Variants in PALM2AKAP2 observed in about 807,000 individuals in gnomAD.
PALM2AKAP2 encodes the protein PALM2-AKAP2 fusion protein.
A neutral mutation model predicts 71.5 loss-of-function variants in PALM2AKAP2; 37 were observed. That is an observed-to-expected ratio of 0.52 (90% CI 0.40 to 0.68). PALM2AKAP2 has a LOEUF of 0.68. Ranked by LOEUF, PALM2AKAP2 falls within the 30% of genes least tolerant of loss-of-function variation. The probability of loss-of-function intolerance (pLI) is 0.00; values close to 1 mark genes in which losing one functional copy is unlikely to be tolerated. For synonymous variants in PALM2AKAP2, 468 were observed against 478.8 expected (o/e 0.98, Z 0.29); for missense variants, 1,224 against 1,191.8 (o/e 1.03, Z -0.40).
At chr9:109,779,911 C>A (rs1016542608), upstream of PALM2AKAP2, among the ~76,000 whole-genome samples, 1 of 152,140 alleles carries the variant, frequency 6.6e-6, no homozygotes, top group South Asian at 2.1e-4. Context: ...CTGGCATCTG[C>A]CCGGTGGAGG....
chr9:110,075,299 A>G (rs1278031509), intron 1 of PALM2AKAP2, among the ~76,000 whole-genome samples: 2 of 152,240 alleles, frequency 1.3e-5, no homozygotes, highest in East Asian at 3.8e-4. Flanking sequence ...TCTAGGGTTT[A>G]GATGCCTTAT....
At chr9:110,075,770 T>C (rs1834307430) in intron 1 of PALM2AKAP2, among the ~76,000 whole-genome samples, 1 of 152,090 alleles carries the variant, frequency 6.6e-6, no homozygotes. Context: ...ATTTTAAACT[T>C]AGAAAAGAGT....
chr9:109,841,963 G>A (rs995751321), intron 1 of PALM2AKAP2, among the ~76,000 whole-genome samples: 2 of 144,620 alleles, frequency 1.4e-5, no homozygotes, highest in Non-Finnish European at 3.0e-5. Context: ...GGAGGGTGAG[G>A]GGGATGGAGG....
At chr9:110,096,271 T>C (rs1834832715) in intron 1 of PALM2AKAP2, among the ~76,000 whole-genome samples, 1 of 152,128 alleles carries the variant, frequency 6.6e-6, no homozygotes, top group Non-Finnish European at 1.5e-5. Flanking sequence ...TGTTTTGATT[T>C]TTGTCTTTAT....
In PALM2AKAP2 at chr9:109,799,445, A is replaced by G. The variant is rs78038354; in HGVS notation, c.45+18912A>G. On this transcript the variant is annotated intron_variant, in intron 1 of 9. Coordinates refer to the PALM2AKAP2 transcript ENST00000302798. The stretch of plus-strand genomic sequence containing the variant: ...CCTGCCAGTGCTGGTACATTCCTCA[A>G]GGCTTCTCAGTGGCTTTCCATTATT... Among the ~76,000 whole-genome samples the G allele has an allele frequency of 4.1e-3, 618 of 152,246 alleles. 4 individuals are homozygous for G. Among genetic ancestry groups the G allele is most frequent in the African/African-American group, 0.014 (588 of 41,536 alleles).
chr9:110,104,438 T>A (rs1028431623), intron 1 of PALM2AKAP2, among the ~76,000 whole-genome samples: 2 of 152,188 alleles, frequency 1.3e-5, no homozygotes, highest in Non-Finnish European at 1.5e-5. Flanking sequence ...AACAGTTAAT[T>A]CGCTTGTGTT....
intron 6 of PALM2AKAP2, among the ~76,000 whole-genome samples, chr9:109,938,215 G>T (rs369299104): frequency 9.2e-5 from 14 of 152,140 alleles, no homozygotes; most frequent in African/African-American, 3.1e-4. Flanking sequence ...AAATATAAAT[G>T]CTTACTCATA....
At chr9:110,099,709 C>T (rs1361036218) in intron 1 of PALM2AKAP2, among the ~76,000 whole-genome samples, 1 of 152,006 alleles carries the variant, frequency 6.6e-6, no homozygotes, top group African/African-American at 2.4e-5. Flanking sequence ...CCCGAGAAAA[C>T]AAAATTTGAA....
At chr9:109,812,079 C>T (rs754209709) in intron 1 of PALM2AKAP2, among the ~76,000 whole-genome samples, 12 of 152,234 alleles carry the variant, frequency 7.9e-5, no homozygotes, top group Non-Finnish European at 1.6e-4. Flanking sequence ...AATAATAGAA[C>T]TGTTGACCCA....
In PALM2AKAP2 at chr9:109,705,559, A is replaced by T. The variant is rs141389898; in HGVS notation, c.5+64693A>T. Among the ~76,000 whole-genome samples, 482 of 152,294 alleles carry T rather than the reference A, an allele frequency of 3.2e-3. 1 individual carries two copies. The highest frequency in any genetic ancestry group is 0.011 in the African/African-American group (465 of 41,564). ...CTCCAAGGGCTTCCAGAGGATGTTG[A>T]ATGGGACAAAATATTGCTATGTGAC... On this transcript the variant is annotated intron_variant, in intron 1 of 6. Coordinates refer to the PALM2AKAP2 transcript ENST00000374531.
At chr9:110,043,095 C>A (rs1348623677) in intron 7 of PALM2AKAP2, among the ~76,000 whole-genome samples, 1 of 152,160 alleles carries the variant, frequency 6.6e-6, no homozygotes, top group African/African-American at 2.4e-5. Context: ...TACCCTCTAT[C>A]TTCGTGAGTT....
chr9:110,137,639 C>G, exon 2 of PALM2AKAP2: 1 of 1,613,928 alleles, frequency 6.2e-7, no homozygotes, highest in Non-Finnish European at 8.5e-7. Flanking sequence ...CTCCTTGACC[C>G]AAGAGGAGCT....
intron 3 of PALM2AKAP2, among the ~76,000 whole-genome samples, chr9:109,922,300 T>C (rs766558935): frequency 6.6e-6 from 1 of 151,282 alleles, no homozygotes; most frequent in Non-Finnish European, 1.5e-5. Context: ...TGTGTGCCTT[T>C]AGTCCCAGCT....
chr9:109,963,805 G>A (rs994998945), intron 6 of PALM2AKAP2, among the ~76,000 whole-genome samples: 2 of 152,166 alleles, frequency 1.3e-5, no homozygotes, highest in Non-Finnish European at 1.5e-5. Flanking sequence ...TCCCAAGGAT[G>A]GGCCACTCTG....
At chr9:109,959,543 G>A (rs1200030961) in intron 6 of PALM2AKAP2, among the ~76,000 whole-genome samples, 2 of 151,332 alleles carry the variant, frequency 1.3e-5, no homozygotes, top group African/African-American at 4.9e-5. Flanking sequence ...TACTCGGGAG[G>A]TTGAGGCTAG....
At chr9:110,084,419 G>A (rs968673196) in intron 1 of PALM2AKAP2, among the ~76,000 whole-genome samples, 4 of 152,032 alleles carry the variant, frequency 2.6e-5, no homozygotes, top group Non-Finnish European at 5.9e-5. Context: ...TGCCAACAAT[G>A]GAAAAATCAC....
intron 6 of PALM2AKAP2, among the ~76,000 whole-genome samples, chr9:109,993,723 CTCTCTCCCTTTCT>C (rs1334905802): frequency 6.6e-6 from 1 of 151,834 alleles, no homozygotes; most frequent in Admixed American, 6.6e-5. Context: ...CCTCCCCTTC[CTCTCTCCCTTTCT>C]TCTCTCCCTC....
chr9:110,100,980 C>T (rs1396423963), intron 1 of PALM2AKAP2, among the ~76,000 whole-genome samples: 2 of 152,014 alleles, frequency 1.3e-5, no homozygotes, highest in African/African-American at 4.8e-5. Context: ...TGGGATGCCT[C>T]CTGGTATCAA....
chr9:109,956,408 G>A (rs1831749404), intron 6 of PALM2AKAP2, among the ~76,000 whole-genome samples: 1 of 152,160 alleles, frequency 6.6e-6, no homozygotes, highest in African/African-American at 2.4e-5. Context: ...ATTCTCTTCA[G>A]GCCAGGGTTC....
Sources: allele counts gnomAD v4.1 joint callset (sites outside exome capture counted in the v4.1 genomes callset), GRCh38; gene constraint gnomAD v4.1.1; transcripts MANE v1.5; gene names NCBI Gene and HGNC (gene_info 2026-07-23, HGNC 2026-07-21).